Variants in EPB41L3 observed in about 807,000 individuals in gnomAD.
The protein encoded by EPB41L3 is band 4.1-like protein 3.
EPB41L3 carries 57 observed loss-of-function variants against 127.1 expected under a neutral mutation model. That is an observed-to-expected ratio of 0.45 (90% CI 0.36 to 0.56). EPB41L3 has a LOEUF of 0.56. Among genes scored for constraint, EPB41L3 ranks in the 20% least tolerant of loss-of-function variants. The pLI, the probability that EPB41L3 is intolerant of heterozygous loss-of-function variation, is 0.00. For synonymous variants in EPB41L3, 572 were observed against 549.5 expected, an observed-to-expected ratio of 1.04 and a Z score of -0.57; for missense variants, 1,273 against 1,372.2, an observed-to-expected ratio of 0.93 and a Z score of 1.14.
chr18:5,416,448 C>T, intron 12 of EPB41L3, 70 bp from the exon 13 acceptor site: 1 of 1,446,690 alleles, frequency 6.9e-7, no homozygotes, highest in Non-Finnish European at 9.2e-7. Flanking sequence ...AAGAAAACTG[C>T]AATTAGTTAA....
chr18:5,561,070 C>T (rs1372654534), intron 3 of EPB41L3, among the ~76,000 whole-genome samples: 9 of 147,558 alleles, frequency 6.1e-5, no homozygotes, highest in South Asian at 4.4e-4. Flanking sequence ...CTCCGCCTCC[C>T]AGGTTCACGC....
chr18:5,610,327 C>T (rs2094711751), intron 3 of EPB41L3: 1 of 984,828 alleles, frequency 1.0e-6, no homozygotes, highest in Non-Finnish European at 1.2e-6. Flanking sequence ...ACACTTCCCT[C>T]CTTTCTAGAA....
intron 1 of EPB41L3, among the ~76,000 whole-genome samples, chr18:5,540,032 C>CTTTT (rs915695504): frequency 6.6e-6 from 1 of 152,026 alleles, no homozygotes; most frequent in African/African-American, 2.4e-5. Context: ...AGACCACATA[C>CTTTT]TTTTTTTAAA....
At chr18:5,539,066 G>C (rs978576267) in intron 1 of EPB41L3, among the ~76,000 whole-genome samples, 8 of 131,600 alleles carry the variant, frequency 6.1e-5, no homozygotes, top group Admixed American at 8.9e-5. Context: ...ATACAATTTC[G>C]TAAGTATTTA....
intron 3 of EPB41L3, among the ~76,000 whole-genome samples, chr18:5,600,313 C>T (rs965112312): frequency 6.6e-5 from 10 of 151,988 alleles, no homozygotes; most frequent in African/African-American, 2.2e-4. Flanking sequence ...ATGTTTACAA[C>T]CTAAAATTAT....
chr18:5,496,691 G>A (rs996360680), intron 1 of EPB41L3, among the ~76,000 whole-genome samples: 1 of 152,230 alleles, frequency 6.6e-6, no homozygotes, highest in African/African-American at 2.4e-5. Flanking sequence ...AAAGGAAAGT[G>A]TACATTCAGC....
At chr18:5,537,078 C>G (rs1477756160) in intron 1 of EPB41L3, among the ~76,000 whole-genome samples, 1 of 152,144 alleles carries the variant, frequency 6.6e-6, no homozygotes, top group Non-Finnish European at 1.5e-5. Context: ...AACGAGCAAA[C>G]AGGCTCTAGG....
chr18:5,574,776 G>A (rs1369430678), intron 3 of EPB41L3, among the ~76,000 whole-genome samples: 2 of 152,152 alleles, frequency 1.3e-5, no homozygotes, highest in East Asian at 3.9e-4. Context: ...TTCTGGGAGA[G>A]GACCTTGGCA....
In EPB41L3 at chr18:5,410,601, C is replaced by T. The variant is rs772572197; in HGVS notation, c.2086G>A (p.Asp696Asn). The change falls in exon 14 of 23, where the codon GAC (aspartate) becomes AAC (asparagine). Residue 696 changes from aspartate (D) to asparagine (N), a missense_variant. By Grantham distance (23) the Asp-to-Asn change is conservative. Coordinates refer to ENST00000341928, the MANE Select transcript of EPB41L3 (RefSeq NM_012307.5). ...SEEETDSERT[D>N]TAADGETTAT... ...GTGGTCTCCCCGTCGGCTGCGGTGT[C>T]CGTGCGCTCACTGTCAGTCTGTTGA... 1 of 1,613,724 alleles carries T rather than the reference C, an allele frequency of 6.2e-7. No individual in the cohort carries two copies. Among genetic ancestry groups the T allele is most frequent in the Non-Finnish European group, 8.5e-7 (1 of 1,179,766 alleles).
chr18:5,457,171 T>C lies in EPB41L3; in HGVS notation c.382-11927A>G, dbSNP rs1008279648. On this transcript the variant is annotated intron_variant, in intron 3 of 22. Transcript: ENST00000341928. ...CTTCAAGATAGGTACAGCCTTTTCC[T>C]GTAAGCAACAACTCTACCGTTCTTT... is the stretch of plus-strand genomic sequence containing the variant. Among the ~76,000 whole-genome samples the C allele has an allele frequency of 1.1e-4, 8 of 74,864 alleles. 1 individual carries two copies. The Admixed American group carries it at 1.2e-3, about 11-fold the overall frequency. 49.1% of individuals were successfully genotyped at this position (74,864 alleles called of 152,430 possible). A position where few individuals can be genotyped will look rare whatever the true frequency, so the allele number is the denominator to read the frequency against.
At chr18:5,595,260 A>C (rs780093853) in intron 3 of EPB41L3, among the ~76,000 whole-genome samples, 4 of 152,314 alleles carry the variant, frequency 2.6e-5, no homozygotes, top group South Asian at 2.1e-4. Context: ...TCCATGTTAA[A>C]ATAAGTGCAG....
chr18:5,603,399 A>T (rs1217542824), intron 3 of EPB41L3, among the ~76,000 whole-genome samples: 1 of 152,186 alleles, frequency 6.6e-6, no homozygotes, highest in Non-Finnish European at 1.5e-5. Flanking sequence ...CTGGAACGGA[A>T]GCATGTTCCC....
intron 3 of EPB41L3, among the ~76,000 whole-genome samples, chr18:5,578,453 T>C (rs868535891): frequency 1.3e-5 from 2 of 152,214 alleles, no homozygotes; most frequent in Non-Finnish European, 2.9e-5. Context: ...TGTCCTCTAG[T>C]TTTTCTCTGA....
In EPB41L3 at chr18:5,445,155, A is replaced by C; in HGVS notation, c.471T>G (p.Asp157Glu). 1 of 1,614,032 alleles carries C rather than the reference A, an allele frequency of 6.2e-7. No individual in the cohort carries two copies. Residue 157 changes from aspartate (D) to glutamate (E), a missense_variant, in exon 4 of 23, where the codon GAT becomes GAG. Transcript: ENST00000341928. ...EKDYFGLTYR[D>E]AENQKNWLDP... ...GATCACTCACCTTCTGGTTTTCAGC[A>C]TCTCGATACGTAAGCCCAAAGTAGT...
intron 5 of EPB41L3, among the ~76,000 whole-genome samples, chr18:5,442,229 T>C (rs1307764161): frequency 6.6e-6 from 1 of 152,196 alleles, no homozygotes; most frequent in African/African-American, 2.4e-5. Context: ...TTAGGATTCC[T>C]CAGAACAAAA....
intron 1 of EPB41L3, among the ~76,000 whole-genome samples, chr18:5,516,156 G>A (rs2148739914): frequency 6.6e-6 from 1 of 152,290 alleles, no homozygotes; most frequent in East Asian, 1.9e-4. Flanking sequence ...AAGTCCAGGG[G>A]CAGATACTCC....
At chr18:5,560,943 ATTTATTTAT>A in intron 3 of EPB41L3, among the ~76,000 whole-genome samples, 1 of 486 alleles carries the variant, frequency 2.1e-3, no homozygotes, top group African/African-American at 5.8e-3. Flanking sequence ...AGTTGTAATT[ATTTATTTAT>A]TTATTTATTT....
intron 2 of EPB41L3, among the ~76,000 whole-genome samples, chr18:5,481,127 CAG>C (rs2088407891): frequency 1.3e-5 from 2 of 152,170 alleles, no homozygotes; most frequent in South Asian, 4.1e-4. Flanking sequence ...TGAGATGAGA[CAG>C]AGCAGCTATT....
chr18:5,523,664 A>G (rs998633603), intron 1 of EPB41L3, among the ~76,000 whole-genome samples: 2 of 152,134 alleles, frequency 1.3e-5, no homozygotes, highest in East Asian at 3.9e-4. Flanking sequence ...ACATACCTGT[A>G]ATCCCAGCTA....
Sources: allele counts gnomAD v4.1 joint callset (sites outside exome capture counted in the v4.1 genomes callset), GRCh38; gene constraint gnomAD v4.1.1; transcripts MANE v1.5; gene names NCBI Gene and HGNC (gene_info 2026-07-23, HGNC 2026-07-21).